MRFAP1L2: variants seen among roughly 807,000 people sequenced by gnomAD.
The protein encoded by MRFAP1L2 is MORF4 family-associated protein 1-like protein UPP.
chr4:6,674,320 C>G, the MRFAP1L2 span: 1 of 619,474 alleles, frequency 1.6e-6, no homozygotes. Context: ...CCCTGGAGCG[C>G]GAGCGCGCCC....
chr4:6,674,191 G>C, the MRFAP1L2 span: 1 of 393,040 alleles, frequency 2.5e-6, no homozygotes, highest in Non-Finnish European at 4.5e-6. Flanking sequence ...GTGCCCCGCG[G>C]GCTGGAAGAG....
chr4:6,674,619 C>T, the MRFAP1L2 span: 1 of 580,440 alleles, frequency 1.7e-6, no homozygotes, highest in East Asian at 3.4e-5. Context: ...CGGGGAGTGT[C>T]CCGCGTGGAA....
the MRFAP1L2 span, chr4:6,674,552 G>A: frequency 1.5e-6 from 1 of 661,056 alleles, no homozygotes; most frequent in Non-Finnish European, 2.7e-6. Context: ...CCAGCGGATC[G>A]CCGGCTGCGA....
the MRFAP1L2 span, chr4:6,674,203 C>T: frequency 7.6e-6 from 3 of 394,736 alleles, no homozygotes; most frequent in Non-Finnish European, 8.9e-6. Flanking sequence ...CTGGAAGAGG[C>T]GGCGGCGTGA....
the MRFAP1L2 span, chr4:6,674,183 GC>G: frequency 5.1e-6 from 2 of 391,348 alleles, no homozygotes; most frequent in Non-Finnish European, 4.5e-6. Context: ...GCCCCGGCGT[GC>G]CCCGCGGGCT....
the MRFAP1L2 span, chr4:6,675,080 C>T: frequency 6.6e-6 from 1 of 152,436 alleles, no homozygotes; most frequent in Non-Finnish European, 1.5e-5. Context: ...GTTTTGTCTC[C>T]CCTGTTTTTC....
chr4:6,674,538 T>A, the MRFAP1L2 span: 5 of 666,462 alleles, frequency 7.5e-6, no homozygotes, highest in Non-Finnish European at 1.4e-5. Context: ...ATCGTGGAGC[T>A]GCACCAGCGG....
chr4:6,675,273 C>T, the MRFAP1L2 span: 1 of 152,198 alleles, frequency 6.6e-6, no homozygotes, highest in Non-Finnish European at 1.5e-5. Flanking sequence ...GCTGCGTGGT[C>T]ATATTTGTTC....
chr4:6,675,508 G>C, the MRFAP1L2 span: 1 of 152,208 alleles, frequency 6.6e-6, no homozygotes, highest in South Asian at 2.1e-4. Context: ...GGTTGGTCTT[G>C]AAGAGTGGCA....
At chr4:6,674,691 C>A in the MRFAP1L2 span, 1 of 524,592 alleles carries the variant, frequency 1.9e-6, no homozygotes, top group African/African-American at 2.0e-5. Context: ...GAGTTGGTTT[C>A]ATTCTTTTTT....
chr4:6,675,713 G>A, the MRFAP1L2 span: 1 of 152,216 alleles, frequency 6.6e-6, no homozygotes, highest in Non-Finnish European at 1.5e-5. Flanking sequence ...AGGTACATGT[G>A]TTTGCTGACT....
chr4:6,674,390 A>C, the MRFAP1L2 span: 3 of 651,072 alleles, frequency 4.6e-6, no homozygotes, highest in Non-Finnish European at 8.2e-6. Flanking sequence ...CGACGCCATC[A>C]AGAGTGAGGT....
chr4:6,674,223 T>C, the MRFAP1L2 span: 5 of 403,932 alleles, frequency 1.2e-5, no homozygotes, highest in African/African-American at 2.1e-5. Flanking sequence ...ATGCGGCCCG[T>C]GGACGCGGAC....
At chr4:6,674,716 G>A in the MRFAP1L2 span, 1 of 524,422 alleles carries the variant, frequency 1.9e-6, no homozygotes, top group African/African-American at 2.0e-5. Context: ...GGTAATTAGA[G>A]AAAATAATTT....
At chr4:6,674,712 T>G in the MRFAP1L2 span, 1 of 524,122 alleles carries the variant, frequency 1.9e-6, no homozygotes, top group African/African-American at 2.0e-5. Flanking sequence ...CATAGGTAAT[T>G]AGAGAAAATA....
the MRFAP1L2 span, chr4:6,675,605 A>G: frequency 1.3e-5 from 2 of 152,124 alleles, no homozygotes; most frequent in Non-Finnish European, 2.9e-5. Context: ...TTTTTATAGC[A>G]TTTTGCTTTT....
At chr4:6,675,167 G>A in the MRFAP1L2 span, 1 of 152,234 alleles carries the variant, frequency 6.6e-6, no homozygotes, top group Non-Finnish European at 1.5e-5. Flanking sequence ...AGATGGTCAG[G>A]TGTATTTTTT....
At chr4:6,674,158 CGCT>C in the MRFAP1L2 span, 1 of 384,806 alleles carries the variant, frequency 2.6e-6, no homozygotes, top group East Asian at 3.7e-5. Context: ...CTTCCGCGCT[CGCT>C]GCTGGTGAGC....
At chr4:6,674,752 C>G in the MRFAP1L2 span, 4 of 507,426 alleles carry the variant, frequency 7.9e-6, no homozygotes, top group South Asian at 2.6e-5. Flanking sequence ...AGAGTCATGA[C>G]CACTGGAAGT....
Sources: gnomAD v4.1 joint callset for allele counts on GRCh38, gnomAD v4.1.1 for gene constraint, MANE v1.5 for transcripts, NCBI Gene and HGNC (gene_info 2026-07-23, HGNC 2026-07-21) for gene names.